The following PCDHGA7 variants were observed in gnomAD, a reference collection of about 807,000 sequenced individuals.
PCDHGA7 encodes the protein protocadherin gamma-A7.
Under a neutral mutation model 58.3 loss-of-function variants are expected in PCDHGA7, and 44 were observed. The ratio of observed to expected loss-of-function variants is 0.75; its 90% CI spans 0.59 to 0.97. The LOEUF is 0.97. Ranked by LOEUF, PCDHGA7 falls within the 50% of genes least tolerant of loss-of-function variation. PCDHGA7 has a pLI of 0.00. For synonymous variants in PCDHGA7, 516 were observed against 504.2 expected (o/e 1.02, Z -0.31); for missense variants, 1,266 against 1,188.7 (o/e 1.06, Z -0.96).
chr5:141,450,565 C>A (rs1024229182), intron 1 of PCDHGA7, among the ~76,000 whole-genome samples: 4 of 152,016 alleles, frequency 2.6e-5, no homozygotes, highest in African/African-American at 9.7e-5. Flanking sequence ...CGGCTCACTG[C>A]AACTTCTGCC....
intron 1 of PCDHGA7, among the ~76,000 whole-genome samples, chr5:141,469,490 G>A (rs1346871954): frequency 3.3e-5 from 5 of 152,146 alleles, no homozygotes; most frequent in East Asian, 3.9e-4. Context: ...CAGGAGAATC[G>A]CTTGAACCCG....
chr5:141,491,580 G>A lies in PCDHGA7; in HGVS notation c.2425-3227G>A. 6.2e-7 allele frequency: 1 copy of A among 1,613,942 alleles called. No individual in the cohort carries two copies. Among genetic ancestry groups the A allele is most frequent in the Non-Finnish European group, 8.5e-7 (1 of 1,180,044 alleles). ...ACTGCTACAGGACGTGCTTTTCACC[G>A]GCCTCGGACGGCAGTGACTTCACTT... is the stretch of plus-strand genomic sequence containing the variant. On this transcript the variant is annotated intron_variant, in intron 1 of 3. Coordinates refer to ENST00000518325, the MANE Select transcript of PCDHGA7 (RefSeq NM_018920.4). The surrounding 1 kb of genome is among the most constrained non-coding windows in gnomAD (Gnocchi z 6.9).
chr5:141,465,519 T>C (rs2099104752), intron 1 of PCDHGA7, among the ~76,000 whole-genome samples: 1 of 152,224 alleles, frequency 6.6e-6, no homozygotes, highest in East Asian at 1.9e-4. Context: ...GGAAGGATTC[T>C]GGGGAAGTTT....
At chr5:141,461,603 G>A (rs1413122199) in intron 1 of PCDHGA7, among the ~76,000 whole-genome samples, 8 of 152,092 alleles carry the variant, frequency 5.3e-5, no homozygotes, top group African/African-American at 1.9e-4. Context: ...TTATAATTTA[G>A]TTCAAAGTAT....
Position 141,398,834 on chromosome 5 carries a change from A to G in PCDHGA7, c.2424+13511A>G, listed in dbSNP as rs201953825. On this transcript the variant is annotated intron_variant, in intron 1 of 3. Transcript: ENST00000518325. Reference sequence around the variant, plus strand: ...CTCCGGATCCAGGTAACCGACGCCAATGATAATCCCCCGGTATTCAACCGA... The same window carrying G: ...CTCCGGATCCAGGTAACCGACGCCAGTGATAATCCCCCGGTATTCAACCGA... The G allele has an allele frequency of 3.9e-4, 623 of 1,614,014 alleles. 4 individuals are homozygous for G. In the South Asian group the frequency reaches 4.2e-3, roughly 11 times the overall value.
chr5:141,450,210 G>T (rs2098673599), intron 1 of PCDHGA7, among the ~76,000 whole-genome samples: 1 of 151,786 alleles, frequency 6.6e-6, no homozygotes. Flanking sequence ...TAGAGACAAG[G>T]TTTCACTATG....
At chr5:141,421,934 T>C (rs1478005202) in intron 1 of PCDHGA7, 1 of 1,613,548 alleles carries the variant, frequency 6.2e-7, no homozygotes, top group Admixed American at 1.7e-5. Context: ...GTCCTCGATG[T>C]AAATGATCAC....
At chr5:141,496,637 C>T (rs907246032) in intron 2 of PCDHGA7, among the ~76,000 whole-genome samples, 6 of 152,214 alleles carry the variant, frequency 3.9e-5, no homozygotes, top group Non-Finnish European at 7.3e-5. Context: ...GCTTGGGCTG[C>T]CCTTGCCCTT....
intron 1 of PCDHGA7, among the ~76,000 whole-genome samples, chr5:141,482,530 C>CGAAAAAAA (rs2099566141): frequency 1.3e-5 from 1 of 76,562 alleles, no homozygotes; most frequent in African/African-American, 4.8e-5. Context: ...GACAGACATG[C>CGAAAAAAA]AAAAAAAAAA....
intron 1 of PCDHGA7, among the ~76,000 whole-genome samples, chr5:141,481,293 TC>T (rs2099535148): frequency 6.6e-6 from 1 of 152,174 alleles, no homozygotes; most frequent in South Asian, 2.1e-4. Context: ...ATTTCAGTCA[TC>T]TAAGGGAAAA....
intron 1 of PCDHGA7, among the ~76,000 whole-genome samples, chr5:141,458,275 G>A (rs975142859): frequency 2.6e-5 from 4 of 152,142 alleles, no homozygotes; most frequent in Non-Finnish European, 5.9e-5. Flanking sequence ...GAACAACAGG[G>A]TTCCTGGTCC....
intron 1 of PCDHGA7, among the ~76,000 whole-genome samples, chr5:141,444,462 C>T (rs1314366280): frequency 3.3e-5 from 5 of 152,002 alleles, no homozygotes; most frequent in African/African-American, 9.7e-5. Flanking sequence ...TGAGTCACTG[C>T]GCCCGGTCGC....
At chr5:141,385,488 T>C in intron 1 of PCDHGA7, 165 bp downstream of exon 1, 1 of 1,400,248 alleles carries the variant, frequency 7.1e-7, no homozygotes, top group Non-Finnish European at 9.3e-7. Context: ...ATAGAACACA[T>C]AGGATATAGT....
intron 1 of PCDHGA7, chr5:141,389,160 G>T (rs759399243): frequency 1.2e-6 from 2 of 1,613,996 alleles, no homozygotes; most frequent in Admixed American, 3.3e-5. Flanking sequence ...AACAGATCGG[G>T]GCAAGCCTCC....
chr5:141,404,347 C>A (rs1451476815), intron 1 of PCDHGA7: 2 of 1,613,916 alleles, frequency 1.2e-6, no homozygotes, highest in Non-Finnish European at 1.7e-6. Context: ...CGGAAAACAA[C>A]GCCAGAGGTA....
intron 1 of PCDHGA7, chr5:141,478,165 C>A: frequency 1.2e-6 from 2 of 1,614,038 alleles, no homozygotes; most frequent in Non-Finnish European, 1.7e-6. Context: ...GCTCTGCCCC[C>A]CGGGAGCAGA....
chr5:141,475,381 T>G (rs1182018899), intron 1 of PCDHGA7, among the ~76,000 whole-genome samples: 3 of 152,226 alleles, frequency 2.0e-5, no homozygotes, highest in Non-Finnish European at 4.4e-5. Flanking sequence ...ACTTTTAAAT[T>G]TTATAAGCCA....
At chr5:141,481,982 G>A (rs1378873905) in intron 1 of PCDHGA7, among the ~76,000 whole-genome samples, 2 of 151,628 alleles carry the variant, frequency 1.3e-5, no homozygotes, top group African/African-American at 2.4e-5. Context: ...CTACTTGGGA[G>A]GTTGAAGCAG....
Position 141,383,339 on chromosome 5 carries a change from C to T in PCDHGA7, c.440C>T (p.Ala147Val), listed in dbSNP as rs1244023518. Reference protein sequence around the residue: ...EINVKIMENTAPGVRFPLSEA... With the variant: ...EINVKIMENTVPGVRFPLSEA... ...AATGTAAAAATAATGGAGAATACAG[C>T]TCCTGGGGTTCGGTTTCCGTTAAGC... The change falls in exon 1 of 4, where the codon GCT (alanine) becomes GTT (valine). Residue 147 changes from alanine (A) to valine (V), a missense_variant. By Grantham distance (64) the Ala-to-Val change is moderately conservative. Transcript: ENST00000518325. The T allele has an allele frequency of 3.7e-6, 6 of 1,614,014 alleles. No homozygotes were observed. The highest frequency in any genetic ancestry group is 3.3e-5 in the Admixed American group (2 of 60,036).
Sources: allele counts gnomAD v4.1 joint callset (sites outside exome capture counted in the v4.1 genomes callset), GRCh38; gene constraint gnomAD v4.1.1; non-coding constraint Gnocchi (gnomAD v3.1); transcripts MANE v1.5; gene names NCBI Gene and HGNC (gene_info 2026-07-23, HGNC 2026-07-21).